The following ITPK1 variants were observed in gnomAD, a reference collection of about 807,000 sequenced individuals.
The protein encoded by ITPK1 is inositol 1,3,4-trisphosphate 5/6-kinase.
A neutral mutation model predicts 45.3 loss-of-function variants in ITPK1; 21 were observed. The ratio of observed to expected loss-of-function variants is 0.46; its 90% CI spans 0.33 to 0.67. ITPK1 has a LOEUF of 0.67. Ranked by LOEUF, ITPK1 falls within the 30% of genes least tolerant of loss-of-function variation. The pLI, the probability that ITPK1 is intolerant of heterozygous loss-of-function variation, is 0.02. For synonymous variants in ITPK1, 258 were observed against 253.6 expected (o/e 1.02, Z -0.16); for missense variants, 474 against 573.5 (o/e 0.83, Z 1.77).
chr14:92,943,720 G>A (rs535128375), intron 10 of ITPK1, among the ~76,000 whole-genome samples: 1 of 152,350 alleles, frequency 6.6e-6, no homozygotes, highest in South Asian at 2.1e-4. Context: ...ACAGGAGCTC[G>A]GGGAGCGGAC....
rs1886428523 is a variant in ITPK1, at chr14:92,985,090, C to A, written c.364+8790G>T. On this transcript the variant is annotated intron_variant, in intron 5 of 10. Coordinates refer to ENST00000267615, the MANE Select transcript of ITPK1 (RefSeq NM_014216.6). ...CTGGCACTGCTGGGTGGTGTTCCTG[C>A]TGAAAATGTATGACCTTGACCCAGT... Among the ~76,000 whole-genome samples the A allele has an allele frequency of 1.3e-5, 2 of 152,042 alleles. 1 individual carries two copies. Among genetic ancestry groups the A allele is most frequent in the South Asian group, 4.1e-4 (2 of 4,824 alleles).
At chr14:92,953,434 G>T (rs1197706951) in intron 8 of ITPK1, among the ~76,000 whole-genome samples, 2 of 152,240 alleles carry the variant, frequency 1.3e-5, no homozygotes, top group Admixed American at 1.3e-4. Context: ...TACTCCCAAG[G>T]CACCGACAGC....
At chr14:93,077,079 C>A (rs78625768) in intron 2 of ITPK1, among the ~76,000 whole-genome samples, 2 of 152,196 alleles carry the variant, frequency 1.3e-5, no homozygotes, top group African/African-American at 4.8e-5. Context: ...CTGCCACACA[C>A]GGGAGGCCCA....
intron 4 of ITPK1, among the ~76,000 whole-genome samples, chr14:93,004,075 C>T (rs904325157): frequency 1.3e-5 from 2 of 152,218 alleles, no homozygotes; most frequent in East Asian, 3.8e-4. Flanking sequence ...GACATTCAAA[C>T]GCAGGAGCCA....
intron 2 of ITPK1, among the ~76,000 whole-genome samples, chr14:93,091,160 A>G (rs1018263143): frequency 6.6e-6 from 1 of 152,258 alleles, no homozygotes; most frequent in African/African-American, 2.4e-5. Context: ...ATTGCATATA[A>G]TTATGAAGAG....
intron 4 of ITPK1, among the ~76,000 whole-genome samples, chr14:92,999,692 T>C (rs1318255944): frequency 6.6e-6 from 1 of 152,352 alleles, no homozygotes; most frequent in Non-Finnish European, 1.5e-5. Context: ...GCCTTCCTCA[T>C]TGTAAGCCCG....
At chr14:92,970,298 T>G (rs1885581828) in intron 5 of ITPK1, among the ~76,000 whole-genome samples, 1 of 152,206 alleles carries the variant, frequency 6.6e-6, no homozygotes, top group Non-Finnish European at 1.5e-5. Flanking sequence ...AGCCTTGCTT[T>G]CCTCTCTATA....
intron 2 of ITPK1, among the ~76,000 whole-genome samples, chr14:93,088,680 A>G (rs1891749806): frequency 6.6e-6 from 1 of 152,032 alleles, no homozygotes; most frequent in African/African-American, 2.4e-5. Context: ...TTGTAGAGAC[A>G]GGGTCTCACT....
chr14:93,009,795 G>C (rs1483148922), intron 4 of ITPK1, among the ~76,000 whole-genome samples: 1 of 152,178 alleles, frequency 6.6e-6, no homozygotes, highest in South Asian at 2.1e-4. Flanking sequence ...AGCTGTGTCA[G>C]AGGCAATCCC....
intron 2 of ITPK1, among the ~76,000 whole-genome samples, chr14:93,080,818 C>A (rs1051436573): frequency 2.6e-5 from 4 of 151,988 alleles, no homozygotes; most frequent in African/African-American, 9.7e-5. Flanking sequence ...CTCACTGCAA[C>A]CTCCGCCTCC....
In ITPK1 at chr14:93,094,813, G is replaced by A. The variant is rs957927899; in HGVS notation, c.96-18194C>T. On this transcript the variant is annotated intron_variant, in intron 2 of 10. Transcript: ENST00000267615. ...CTGCTTCCTAGAGGCTCTCAGCCCA[G>A]GCTTCCAGGGGCTCCCCACAGCCAC... 1.1e-4 allele frequency among the ~76,000 whole-genome samples: 17 copies of A among 152,312 alleles called. 1 individual carries two copies. The highest frequency in any genetic ancestry group is 1.0e-3 in the Admixed American group (16 of 15,306).
Position 93,016,568 on chromosome 14 carries a change from A to G in ITPK1, c.246+108T>C. 1 of 1,271,988 alleles carries G rather than the reference A, an allele frequency of 7.9e-7. No individual in the cohort carries two copies. The highest frequency in any genetic ancestry group is 1.3e-5 in the South Asian group (1 of 75,176). The allele number at this position is 1,271,988 out of a possible 1,614,324, so 78.8% of individuals were successfully genotyped here. A position where few individuals can be genotyped will look rare whatever the true frequency, so the allele number is the denominator to read the frequency against. On this transcript the variant is annotated intron_variant, in intron 4 of 10. Coordinates refer to ENST00000267615, the MANE Select transcript of ITPK1 (RefSeq NM_014216.6). The surrounding 1 kb of genome is among the most constrained non-coding windows in gnomAD (Gnocchi z 5.0). The stretch of plus-strand genomic sequence containing the variant: ...AGTGGCAGAGCCATTTCTCCAGACT[A>G]TACCTCCAGAGAGCTGCTACCGCCC...
chr14:92,992,083 G>A (rs1886818602), intron 5 of ITPK1, among the ~76,000 whole-genome samples: 1 of 152,164 alleles, frequency 6.6e-6, no homozygotes, highest in Non-Finnish European at 1.5e-5. Context: ...CTGTGCTTTT[G>A]GCTCCAAAAG....
At position 93,012,749 on chromosome 14, in the gene ITPK1, G is replaced by T. The variant is rs149242607; in HGVS notation, c.246+3927C>A. Among the ~76,000 whole-genome samples, 10 of 152,304 alleles carry T rather than the reference G, an allele frequency of 6.6e-5. No individual in the cohort carries two copies. In the East Asian group the frequency reaches 1.9e-3, roughly 29 times the overall value. On this transcript the variant is annotated intron_variant, in intron 4 of 10. Transcript: ENST00000267615. This position sits in a 1 kb window ranked among gnomAD's most constrained non-coding sequence, Gnocchi z 4.9. ...AGGGGACATCTGAGGGACAATTACC[G>T]TCCTTCCAGCTGATAAAGACAGGGC...
chr14:92,959,611 C>T (rs1214703832), intron 7 of ITPK1, among the ~76,000 whole-genome samples: 4 of 152,188 alleles, frequency 2.6e-5, no homozygotes, highest in South Asian at 2.1e-4. Flanking sequence ...CTGTGTGAGC[C>T]GAGGCTGGGC....
At chr14:93,071,802 C>G (rs1029413544) in intron 3 of ITPK1, 3 of 152,122 alleles carry the variant, frequency 2.0e-5, no homozygotes, top group African/African-American at 7.2e-5. Flanking sequence ...ACTGATTATC[C>G]TATTATATAC....
intron 5 of ITPK1, among the ~76,000 whole-genome samples, chr14:92,972,747 T>A (rs547456852): frequency 1.3e-5 from 2 of 152,272 alleles, no homozygotes; most frequent in South Asian, 4.2e-4. Flanking sequence ...CACGCCACCA[T>A]GCCTGGCTAA....
chr14:93,054,577 C>T (rs1465638890), intron 3 of ITPK1, among the ~76,000 whole-genome samples: 1 of 152,134 alleles, frequency 6.6e-6, no homozygotes, highest in Non-Finnish European at 1.5e-5. Flanking sequence ...CATGTACTCC[C>T]TTGATTACAG....
rs144079152 is a variant in ITPK1, at chr14:92,980,638, T to C, written c.364+13242A>G. On this transcript the variant is annotated intron_variant, in intron 5 of 10. Transcript: ENST00000267615. ...GGCCCAGGCTGGGGACTTATTACTA[T>C]TGGGGGCCTACAAAGGGTCCCTCTC... Among the ~76,000 whole-genome samples, 1,371 of 152,306 alleles carry C rather than the reference T, an allele frequency of 9.0e-3. 12 individuals carry two copies. The highest frequency in any genetic ancestry group is 0.02 in the South Asian group (98 of 4,818).
Sources: gnomAD v4.1 joint callset for allele counts (sites outside exome capture counted in the v4.1 genomes callset) on GRCh38, gnomAD v4.1.1 for gene constraint, Gnocchi (gnomAD v3.1) non-coding constraint, MANE v1.5 for transcripts, NCBI Gene and HGNC (gene_info 2026-07-23, HGNC 2026-07-21) for gene names.